The following ZMYM5 variants were observed in gnomAD, a reference collection of about 807,000 sequenced individuals.
ZMYM5 encodes zinc finger MYM-type containing 5, also known as zinc finger MYM-type protein 5.
In ZMYM5, 41 loss-of-function variants were observed where a neutral mutation model predicts 61.8. The ratio of observed to expected loss-of-function variants is 0.66; its 90% CI spans 0.52 to 0.86. The LOEUF is 0.86. ZMYM5 is among the 40% of genes least tolerant of loss of function. The pLI is 0.00. For missense variants in ZMYM5, 706 were observed against 786.7 expected, an observed-to-expected ratio of 0.90 and a Z score of 1.23; for synonymous variants, 257 against 276.4, an observed-to-expected ratio of 0.93 and a Z score of 0.70.
chr13:19,835,272 C>G (rs917955176), intron 7 of ZMYM5, among the ~76,000 whole-genome samples: 11 of 152,038 alleles, frequency 7.2e-5, no homozygotes, highest in African/African-American at 1.2e-4. Context: ...TGGAATTACA[C>G]AAGTGAGTCA....
chr13:19,838,948 A>C lies in ZMYM5; in HGVS notation c.624T>G (p.Asn208Lys), dbSNP rs151010468. ...WISQSASFPS[N>K]QKQPGVDSLS... Reference sequence around the variant, plus strand: ...AAGAATCCACCCCTGGCTGTTTCTGATTACTGGGAAATGAAGCTGACTGGG... The same window carrying C: ...AAGAATCCACCCCTGGCTGTTTCTGCTTACTGGGAAATGAAGCTGACTGGG... The change falls in exon 5 of 8, where the codon AAT (asparagine) becomes AAG (lysine). Residue 208 changes from asparagine (N) to lysine (K), a missense_variant. Physicochemically the swap from Asn to Lys is moderately conservative, Grantham distance 94 (BLOSUM62 0). Transcript: ENST00000337963. The C allele has an allele frequency of 2.9e-4, 469 of 1,613,918 alleles. 1 individual carries two copies. Among genetic ancestry groups the C allele is most frequent in the Middle Eastern group, 2.1e-3 (13 of 6,062 alleles).
At chr13:19,843,017 TG>T (rs1952935771) in intron 4 of ZMYM5, among the ~76,000 whole-genome samples, 1 of 150,548 alleles carries the variant, frequency 6.6e-6, no homozygotes, top group Admixed American at 6.6e-5. Flanking sequence ...AGTTTCGCTA[TG>T]TTGCCCAGTC....
In ZMYM5 at chr13:19,824,821, C is replaced by A; in HGVS notation, c.1666G>T (p.Gly556Trp). 1 of 1,351,272 alleles carries A rather than the reference C, an allele frequency of 7.4e-7. No individual in the cohort carries two copies. Among genetic ancestry groups the A allele is most frequent in the Non-Finnish European group, 9.9e-7 (1 of 1,012,614 alleles). The allele number at this position is 1,351,272 out of a possible 1,614,324, so 83.7% of individuals were successfully genotyped here. Residue 556 changes from glycine to tryptophan, a missense_variant, in exon 8 of 8, where the codon GGG (glycine) becomes TGG (tryptophan). Coordinates refer to ENST00000337963, the MANE Select transcript of ZMYM5 (RefSeq NM_001142684.2). ...TAATAAGTTTCTGAAAACTTCCTCC[C>A]TGTATTATCTTTTGGAAAGTTAAAA... is the stretch of plus-strand genomic sequence containing the variant. The part of the protein sequence containing the change: ...RNFNFPKDNT[G>W]RKFSETYYTR...
At chr13:19,843,850 G>A (rs181229679) in intron 4 of ZMYM5, among the ~76,000 whole-genome samples, 14,284 of 135,910 alleles carry the variant, frequency 0.11, 814 homozygotes, top group Middle Eastern at 0.21. Flanking sequence ...AAAAAAAAAA[G>A]GGGGCCAGGT....
At chr13:19,844,644 T>C (rs1388202910) in intron 4 of ZMYM5, among the ~76,000 whole-genome samples, 1 of 152,156 alleles carries the variant, frequency 6.6e-6, no homozygotes, top group Non-Finnish European at 1.5e-5. Context: ...CTTTTTGAGA[T>C]GGAGTTTCGC....
In ZMYM5 at chr13:19,852,190, C is replaced by T. The variant is rs1416033537; in HGVS notation, c.-10G>A. ...CTGAACATTTTTCCATGCCAATGAA[C>T]CTGTAGAGACAGAAAAGAAAAAAAA... is the stretch of plus-strand genomic sequence containing the variant. On this transcript the variant is annotated splice_region_variant and 5_prime_UTR_variant, in exon 3 of 8. Coordinates refer to ENST00000337963, the MANE Select transcript of ZMYM5 (RefSeq NM_001142684.2). The T allele has an allele frequency of 1.9e-6, 3 of 1,543,738 alleles. No individual in the cohort carries two copies. Among genetic ancestry groups the T allele is most frequent in the South Asian group, 1.2e-5 (1 of 80,568 alleles).
At chr13:19,857,818 G>C (rs1426878819) in intron 2 of ZMYM5, among the ~76,000 whole-genome samples, 3 of 152,000 alleles carry the variant, frequency 2.0e-5, no homozygotes, top group South Asian at 2.1e-4. Context: ...AGGAGTTCAA[G>C]ACCAGCCTGG....
chr13:19,838,718 CGT>C lies in ZMYM5; in HGVS notation c.852_853del (p.Arg285LysfsTer5), dbSNP rs763958991. Reference sequence around the variant, plus strand: ...TGCTTACTTTTTACATATTATGCTTCGTGTGTTTTGAGTACGTTTATGAGAGA... The same window carrying C: ...TGCTTACTTTTTACATATTATGCTTCGTGTTTTGAGTACGTTTATGAGAGA... On this transcript the variant is annotated frameshift_variant, in exon 5 of 8. Coordinates refer to ENST00000337963, the MANE Select transcript of ZMYM5 (RefSeq NM_001142684.2). LOFTEE classifies it high-confidence loss of function. The C allele has an allele frequency of 6.2e-7, 1 of 1,614,104 alleles. No individual in the cohort carries two copies. Among genetic ancestry groups the C allele is most frequent in the Non-Finnish European group, 8.5e-7 (1 of 1,180,016 alleles).
intron 3 of ZMYM5, 106 bp from the exon 4 acceptor site, chr13:19,851,554 A>G (rs1278941529): frequency 6.5e-7 from 1 of 1,543,074 alleles, no homozygotes; most frequent in Non-Finnish European, 8.9e-7. Flanking sequence ...GTGATGTTTT[A>G]TATGTAATAA....
chr13:19,861,325 T>A (rs1243035340), intron 2 of ZMYM5, among the ~76,000 whole-genome samples: 1 of 152,104 alleles, frequency 6.6e-6, no homozygotes, highest in Non-Finnish European at 1.5e-5. Flanking sequence ...ATTTTTGTAT[T>A]TTTTGTAGAG....
chr13:19,859,768 C>T lies in ZMYM5; in HGVS notation c.-11+2631G>A, dbSNP rs536099596. ...AAGAATTATGCAATATATGTAACAC[C>T]TACTATGTACCCACAAAAATTTTAA... On this transcript the variant is annotated intron_variant, in intron 2 of 7. Transcript: ENST00000337963. Among the ~76,000 whole-genome samples, 8 of 151,934 alleles carry T rather than the reference C, an allele frequency of 5.3e-5. No individual in the cohort carries two copies. In the South Asian group the frequency reaches 1.7e-3, roughly 32 times the overall value.
Position 19,841,167 on chromosome 13 carries a change from G to A in ZMYM5, c.587-2182C>T, listed in dbSNP as rs186859316. Among the ~76,000 whole-genome samples, 328 of 151,624 alleles carry A rather than the reference G, an allele frequency of 2.2e-3. 3 individuals are homozygous for A. Among genetic ancestry groups the A allele is most frequent in the African/African-American group, 7.6e-3 (313 of 41,342 alleles). The stretch of plus-strand genomic sequence containing the variant: ...TTTAGTAGAGATGGGGTTTCACCAT[G>A]TTGGTCAGGCTGGTCTTGAACTCCT... On this transcript the variant is annotated intron_variant, in intron 4 of 7. Coordinates refer to ENST00000337963, the MANE Select transcript of ZMYM5 (RefSeq NM_001142684.2).
chr13:19,855,882 G>A (rs1348540939), intron 2 of ZMYM5, among the ~76,000 whole-genome samples: 2 of 151,886 alleles, frequency 1.3e-5, no homozygotes, highest in Non-Finnish European at 2.9e-5. Flanking sequence ...CGGGCATGGT[G>A]GCAGGAACCT....
chr13:19,836,661 T>C (rs775926806), intron 6 of ZMYM5, among the ~76,000 whole-genome samples: 2 of 152,094 alleles, frequency 1.3e-5, no homozygotes, highest in Non-Finnish European at 2.9e-5. Flanking sequence ...CCTAGAACAT[T>C]TGTGGAGGGA....
intron 4 of ZMYM5, among the ~76,000 whole-genome samples, chr13:19,846,686 G>C (rs2138582709): frequency 6.6e-6 from 1 of 151,900 alleles, no homozygotes; most frequent in South Asian, 2.1e-4. Context: ...TAATACAAAG[G>C]TTAAAAATCC....
chr13:19,826,747 T>C (rs536792863), intron 7 of ZMYM5, among the ~76,000 whole-genome samples: 1 of 142,640 alleles, frequency 7.0e-6, no homozygotes, highest in Non-Finnish European at 1.5e-5. Context: ...GGAGGGAGAC[T>C]CCGTCTCGTT....
At chr13:19,849,986 A>T (rs1290279823) in intron 4 of ZMYM5, among the ~76,000 whole-genome samples, 1 of 151,770 alleles carries the variant, frequency 6.6e-6, no homozygotes, top group Non-Finnish European at 1.5e-5. Flanking sequence ...CAAAAAAAAA[A>T]AAGGGAAAAA....
At chr13:19,856,004 C>T (rs1430327224) in intron 2 of ZMYM5, among the ~76,000 whole-genome samples, 9 of 150,920 alleles carry the variant, frequency 6.0e-5, no homozygotes, top group African/African-American at 1.2e-4. Context: ...GGAGACAGAG[C>T]GAGATTCCAT....
At chr13:19,829,665 G>C (rs1891105463) in intron 7 of ZMYM5, among the ~76,000 whole-genome samples, 1 of 152,110 alleles carries the variant, frequency 6.6e-6, no homozygotes, top group Non-Finnish European at 1.5e-5. Context: ...TATGATCCTA[G>C]TGCACTGTAG....
Sources: gnomAD v4.1 joint callset for allele counts (sites outside exome capture counted in the v4.1 genomes callset) on GRCh38, gnomAD v4.1.1 for gene constraint, MANE v1.5 for transcripts, NCBI Gene and HGNC (gene_info 2026-07-23, HGNC 2026-07-21) for gene names.